ALPL: variants seen among roughly 807,000 people sequenced by gnomAD.
The protein encoded by ALPL is alkaline phosphatase, tissue-nonspecific isozyme.
ALPL carries 42 observed loss-of-function variants against 51.3 expected under a neutral mutation model. The observed-to-expected ratio is 0.82, with a 90% CI of 0.64 to 1.06. ALPL has a LOEUF of 1.06. Ranked by LOEUF, ALPL falls within the 50% of genes least tolerant of loss-of-function variation. The pLI, the probability that ALPL is intolerant of heterozygous loss-of-function variation, is 0.00. For missense variants in ALPL, 589 were observed against 709.4 expected, an observed-to-expected ratio of 0.83 and a Z score of 1.93; for synonymous variants, 279 against 296.4, an observed-to-expected ratio of 0.94 and a Z score of 0.60.
At chr1:21,541,471 C>T (rs1454834932) in intron 1 of ALPL, among the ~76,000 whole-genome samples, 1 of 152,232 alleles carries the variant, frequency 6.6e-6, no homozygotes, top group Non-Finnish European at 1.5e-5. Context: ...GCCACCCACC[C>T]TCTGACCCCA....
At chr1:21,561,270 T>A in intron 4 of ALPL, 58 bp downstream of exon 4, 1 of 1,460,574 alleles carries the variant, frequency 6.8e-7, no homozygotes, top group Non-Finnish European at 9.4e-7. Flanking sequence ...AGGTCGAGCA[T>A]CTGAACATGA....
At chr1:21,548,159 C>T (rs552812384) in intron 1 of ALPL, among the ~76,000 whole-genome samples, 1 of 152,322 alleles carries the variant, frequency 6.6e-6, no homozygotes, top group Non-Finnish European at 1.5e-5. Context: ...CCATTTTAAG[C>T]TGGCAGACAT....
chr1:21,563,292 G>A lies in ALPL; in HGVS notation c.472+8G>A, dbSNP rs61778390. 14 of 1,157,604 alleles carry A rather than the reference G, an allele frequency of 1.2e-5. No individual in the cohort carries two copies. Among genetic ancestry groups the A allele is most frequent in the Non-Finnish European group, 1.7e-5 (14 of 807,848 alleles). 71.7% of individuals were successfully genotyped at this position (1,157,604 alleles called of 1,614,324 possible). On this transcript the variant is annotated splice_region_variant and intron_variant, in intron 5 of 11. Transcript: ENST00000374840. ...GCTGGGCCAAGGACGCTGGTGAGTCGGGGGAGCAGTGGGGAGCAGGGCCAG... is the reference window on the plus strand; with the variant it reads ...GCTGGGCCAAGGACGCTGGTGAGTCAGGGGAGCAGTGGGGAGCAGGGCCAG...
In ALPL at chr1:21,570,358, T is replaced by C. The variant is rs779625059; in HGVS notation, c.846T>C (p.Asn282=). ...AACTCCTGACCCTTGACCCCCACAA[T>C]GTGGACTACCTATTGGGTAAGTGGA... ...RTELLTLDPH[N]VDYLLGLFEP... Residue 282 remains asparagine (N), a synonymous_variant, in exon 8 of 12, where the codon AAT becomes AAC. Transcript: ENST00000374840. 5.6e-6 allele frequency: 9 copies of C among 1,613,906 alleles called. No individual in the cohort carries two copies. In the Admixed American group the frequency reaches 6.7e-5, roughly 12 times the overall value.
chr1:21,532,366 ATTT>A (rs1644042161), intron 1 of ALPL, among the ~76,000 whole-genome samples: 2 of 151,720 alleles, frequency 1.3e-5, no homozygotes, highest in African/African-American at 4.8e-5. Context: ...TAATTTTTGT[ATTT>A]TTGTAGAGAT....
chr1:21,511,425 A>G (rs143375617), intron 1 of ALPL, among the ~76,000 whole-genome samples: 1 of 152,298 alleles, frequency 6.6e-6, no homozygotes, highest in Non-Finnish European at 1.5e-5. Context: ...GATATGATGA[A>G]TGCTTGCGAA....
chr1:21,553,149 A>G (rs985360960), intron 1 of ALPL, among the ~76,000 whole-genome samples: 16 of 22,084 alleles, frequency 7.2e-4, no homozygotes, highest in African/African-American at 1.3e-3. Flanking sequence ...ATTTCCTTCC[A>G]GTTTTTTTTT....
At chr1:21,562,283 G>A (rs1269332240) in intron 4 of ALPL, among the ~76,000 whole-genome samples, 1 of 152,216 alleles carries the variant, frequency 6.6e-6, no homozygotes, top group Non-Finnish European at 1.5e-5. Context: ...AAAAAATGAT[G>A]CTGATAGACT....
chr1:21,568,172 C>A lies in ALPL; in HGVS notation c.717C>A (p.Asp239Glu). 1 of 1,613,976 alleles carries A rather than the reference C, an allele frequency of 6.2e-7. No homozygotes were observed. Among genetic ancestry groups the A allele is most frequent in the Non-Finnish European group, 8.5e-7 (1 of 1,180,012 alleles). The change falls in exon 7 of 12, where the codon GAC (aspartate) becomes GAA (glutamate). Residue 239 changes from aspartate (D) to glutamate (E), a missense_variant. Transcript: ENST00000374840. Reference protein sequence around the residue: ...KNKTDVEYESDEKARGTRLDG... With the variant: ...KNKTDVEYESEEKARGTRLDG... ...AAACTGATGTGGAGTATGAGAGTGA[C>A]GAGAAAGCCAGGGGCACGAGGCTGG...
At position 21,563,199 on chromosome 1, in the gene ALPL, G is replaced by A. The variant is rs1198001397; in HGVS notation, c.387G>A (p.Gly129=). 6.2e-7 allele frequency: 1 copy of A among 1,613,994 alleles called. No individual in the cohort carries two copies. The change falls in exon 5 of 12, where the codon GGG becomes GGA. Residue 129 remains glycine (G), a synonymous_variant. Transcript: ENST00000374840. The stretch of plus-strand genomic sequence containing the variant: ...TGAAGGCCAATGAGGGCACCGTGGG[G>A]GTAAGCGCAGCCACTGAGCGTTCCC... ...CGVKANEGTV[G]VSAATERSRC...
intron 1 of ALPL, among the ~76,000 whole-genome samples, chr1:21,517,116 G>A (rs1030673305): frequency 2.0e-5 from 3 of 152,126 alleles, no homozygotes; most frequent in Non-Finnish European, 4.4e-5. Flanking sequence ...AAAACAGAAT[G>A]GCTGGTTGGG....
chr1:21,561,922 C>T (rs542139498), intron 4 of ALPL, among the ~76,000 whole-genome samples: 27 of 152,188 alleles, frequency 1.8e-4, no homozygotes, highest in African/African-American at 6.5e-4. Context: ...CCACCTTGGC[C>T]TCCCAAAGTG....
intron 8 of ALPL, 29 bp downstream of exon 8, chr1:21,570,403 C>A: frequency 6.2e-7 from 1 of 1,609,128 alleles, no homozygotes; most frequent in Non-Finnish European, 8.5e-7. Flanking sequence ...GGGGAGGATG[C>A]ATGGCTCGGA....
Position 21,564,584 on chromosome 1 carries a change from T to C in ALPL, c.648+368T>C, listed in dbSNP as rs992574133. Among the ~76,000 whole-genome samples the C allele has an allele frequency of 1.1e-4, 16 of 152,192 alleles. No individual in the cohort carries two copies. Among genetic ancestry groups the C allele is most frequent in the Admixed American group, 2.6e-4 (4 of 15,276 alleles). On this transcript the variant is annotated intron_variant, in intron 6 of 11. Coordinates refer to ENST00000374840, the MANE Select transcript of ALPL (RefSeq NM_000478.6). This position sits in a 1 kb window ranked among gnomAD's most constrained non-coding sequence, Gnocchi z 5.8. ...TCACATGGTCACAGATGGGTACATATCTGTACACTCAACCACCAGCATGCC... is the reference window on the plus strand; with the variant it reads ...TCACATGGTCACAGATGGGTACATACCTGTACACTCAACCACCAGCATGCC...
intron 1 of ALPL, among the ~76,000 whole-genome samples, chr1:21,530,582 C>T (rs1247778323): frequency 6.6e-6 from 1 of 152,122 alleles, no homozygotes; most frequent in Non-Finnish European, 1.5e-5. Context: ...CAGTGACTCA[C>T]TCCACAGGAT....
Position 21,568,098 on chromosome 1 carries a change from T to C in ALPL, c.649-6T>C. ...CTGCAGAAGTGATGGCTCCTGTCTC[T>C]TTTAGGTGATCATGGGGGGTGGCCG... On this transcript the variant is annotated splice_region_variant and splice_polypyrimidine_tract_variant and intron_variant, in intron 6 of 11. Coordinates refer to ENST00000374840, the MANE Select transcript of ALPL (RefSeq NM_000478.6). The C allele has an allele frequency of 6.2e-7, 1 of 1,614,032 alleles. No individual in the cohort carries two copies. Among genetic ancestry groups the C allele is most frequent in the South Asian group, 1.1e-5 (1 of 91,078 alleles).
In ALPL at chr1:21,552,105, TTCCTCCCCTTCCCTTTCCTCCCTC is replaced by T. The variant is rs1558542012; in HGVS notation, c.-104-1872_-104-1849del. Reference sequence around the variant, plus strand: ...TTTTCTCCCTTCCCTTCCCTTCCCTTTCCTCCCCTTCCCTTTCCTCCCTCCCCTCCCCTCCCCTCCCTCCTTCCT... The same window carrying T: ...TTTTCTCCCTTCCCTTCCCTTCCCTTCCCTCCCCTCCCCTCCCTCCTTCCT... On this transcript the variant is annotated intron_variant, in intron 1 of 11. Coordinates refer to ENST00000374840, the MANE Select transcript of ALPL (RefSeq NM_000478.6). Among the ~76,000 whole-genome samples, 6 of 22,836 alleles carry T rather than the reference TTCCTCCCCTTCCCTTTCCTCCCTC, an allele frequency of 2.6e-4. 1 individual carries two copies. The highest frequency in any genetic ancestry group is 4.2e-4 in the Non-Finnish European group (6 of 14,302). 15.0% of individuals were successfully genotyped at this position (22,836 alleles called of 152,430 possible). A position where few individuals can be genotyped will look rare whatever the true frequency, so the allele number is the denominator to read the frequency against.
At chr1:21,536,592 C>A (rs1226807898) in intron 1 of ALPL, among the ~76,000 whole-genome samples, 1 of 152,172 alleles carries the variant, frequency 6.6e-6, no homozygotes, top group Non-Finnish European at 1.5e-5. Flanking sequence ...CCTCTTCAGG[C>A]TATACAAAGT....
At chr1:21,530,929 C>T (rs1644020245) in intron 1 of ALPL, among the ~76,000 whole-genome samples, 1 of 149,816 alleles carries the variant, frequency 6.7e-6, no homozygotes, top group Non-Finnish European at 1.5e-5. Flanking sequence ...CACAGGCGTG[C>T]ACCACCACAT....
Sources: allele counts gnomAD v4.1 joint callset (sites outside exome capture counted in the v4.1 genomes callset), GRCh38; gene constraint gnomAD v4.1.1; non-coding constraint Gnocchi (gnomAD v3.1); transcripts MANE v1.5; gene names NCBI Gene and HGNC (gene_info 2026-07-23, HGNC 2026-07-21).